Variants in STAU2 observed in about 807,000 individuals in gnomAD.
STAU2 encodes staufen double-stranded RNA binding protein 2, also known as double-stranded RNA-binding protein Staufen homolog 2.
In STAU2, 20 loss-of-function variants were observed where a neutral mutation model predicts 65.9. That is an observed-to-expected ratio of 0.30 (90% confidence interval 0.21 to 0.44). The LOEUF is 0.44. Ranked by LOEUF, STAU2 falls within the 20% of genes least tolerant of loss-of-function variation. The pLI is 1.00. For missense variants in STAU2, 558 were observed against 683.9 expected, an observed-to-expected ratio of 0.82 and a Z score of 2.05; for synonymous variants, 232 against 233.9, an observed-to-expected ratio of 0.99 and a Z score of 0.07.
At chr8:73,464,303 T>C (rs1394178094) in intron 13 of STAU2, among the ~76,000 whole-genome samples, 1 of 152,158 alleles carries the variant, frequency 6.6e-6, no homozygotes, top group Non-Finnish European at 1.5e-5. Flanking sequence ...CCCTCAGAAT[T>C]GTCTCTGAAT....
At chr8:73,657,290 G>A (rs1453183340) in intron 6 of STAU2, among the ~76,000 whole-genome samples, 3 of 152,082 alleles carry the variant, frequency 2.0e-5, no homozygotes, top group Admixed American at 6.5e-5. Flanking sequence ...GCCACAAGGT[G>A]GAGATATTAC....
At position 73,679,845 on chromosome 8, in the gene STAU2, C is replaced by T. The variant is rs533405015; in HGVS notation, c.275-6603G>A. Among the ~76,000 whole-genome samples, 183 of 150,960 alleles carry T rather than the reference C, an allele frequency of 1.2e-3. 1 individual carries two copies. Among genetic ancestry groups the T allele is most frequent in the Admixed American group, 4.2e-3 (63 of 15,152 alleles). On this transcript the variant is annotated intron_variant, in intron 5 of 14. Transcript: ENST00000524300. ...GGAGGCTGCAGTAAGCCAAGATCAACGCCACTGCACTCCAACCTGGGTGAC... is the reference window on the plus strand; with the variant it reads ...GGAGGCTGCAGTAAGCCAAGATCAATGCCACTGCACTCCAACCTGGGTGAC...
At chr8:73,454,816 CA>C (rs1172119505) in intron 13 of STAU2, among the ~76,000 whole-genome samples, 3 of 152,216 alleles carry the variant, frequency 2.0e-5, no homozygotes, top group Non-Finnish European at 2.9e-5. Context: ...ACACACAGAT[CA>C]TGGATTTAAA....
intron 13 of STAU2, among the ~76,000 whole-genome samples, chr8:73,483,763 T>A (rs996938539): frequency 6.6e-6 from 1 of 152,080 alleles, no homozygotes; most frequent in Non-Finnish European, 1.5e-5. Context: ...GGAATTCCAT[T>A]AAGGCTCCAG....
At chr8:73,654,364 T>G (rs1316519524) in intron 6 of STAU2, among the ~76,000 whole-genome samples, 1 of 151,922 alleles carries the variant, frequency 6.6e-6, no homozygotes, top group African/African-American at 2.4e-5. Flanking sequence ...CAAGACCCTT[T>G]TAACTGTCCA....
intron 3 of STAU2, among the ~76,000 whole-genome samples, chr8:73,709,983 T>G (rs1586322610): frequency 6.6e-6 from 1 of 152,084 alleles, no homozygotes; most frequent in African/African-American, 2.4e-5. Context: ...TAATTTTAAC[T>G]ACCATAGAAT....
At chr8:73,638,582 C>T (rs1037818172) in intron 6 of STAU2, among the ~76,000 whole-genome samples, 4 of 150,318 alleles carry the variant, frequency 2.7e-5, no homozygotes, top group African/African-American at 9.8e-5. Flanking sequence ...TAATAAAATT[C>T]CACCCACTAA....
intron 3 of STAU2, among the ~76,000 whole-genome samples, chr8:73,719,929 C>T (rs1286896550): frequency 6.6e-6 from 1 of 151,988 alleles, no homozygotes; most frequent in Non-Finnish European, 1.5e-5. Flanking sequence ...CTATCCGGAC[C>T]TAGAGTTTTC....
At chr8:73,709,490 C>G (rs148612114) in intron 3 of STAU2, among the ~76,000 whole-genome samples, 1 of 151,936 alleles carries the variant, frequency 6.6e-6, no homozygotes, top group Non-Finnish European at 1.5e-5. Context: ...GAAACACATA[C>G]GTTTCCTGGT....
At chr8:73,469,698 G>A (rs975686280) in intron 13 of STAU2, among the ~76,000 whole-genome samples, 3 of 152,040 alleles carry the variant, frequency 2.0e-5, no homozygotes, top group Non-Finnish European at 4.4e-5. Context: ...AAAAACAAGG[G>A]TGAAAAGCAG....
At chr8:73,651,358 G>C in intron 6 of STAU2, 3 of 680,446 alleles carry the variant, frequency 4.4e-6, no homozygotes, top group Non-Finnish European at 8.2e-6. Context: ...ACCAGTACCT[G>C]GGCCCTCTGG....
intron 13 of STAU2, among the ~76,000 whole-genome samples, chr8:73,424,045 C>G (rs1349091783): frequency 6.6e-6 from 1 of 151,954 alleles, no homozygotes; most frequent in Admixed American, 6.6e-5. Context: ...TGTGCCCCAC[C>G]TATTCACCTC....
intron 13 of STAU2, among the ~76,000 whole-genome samples, chr8:73,482,352 ACTG>A (rs1820677544): frequency 6.6e-6 from 1 of 151,614 alleles, no homozygotes; most frequent in South Asian, 2.1e-4. Flanking sequence ...TTAAAAAAAA[ACTG>A]TCTTTTTTTT....
At chr8:73,715,503 A>G (rs1821194063) in intron 3 of STAU2, among the ~76,000 whole-genome samples, 1 of 151,886 alleles carries the variant, frequency 6.6e-6, no homozygotes, top group Admixed American at 6.6e-5. Flanking sequence ...CCAGTGATAT[A>G]TAATTTTCCC....
intron 6 of STAU2, among the ~76,000 whole-genome samples, chr8:73,661,091 A>G (rs2130320959): frequency 6.6e-6 from 1 of 152,352 alleles, no homozygotes; most frequent in African/African-American, 2.4e-5. Context: ...AGGAAGCGTT[A>G]TTTATTCTCC....
In STAU2 at chr8:73,561,123, T is replaced by C. The variant is rs142069550; in HGVS notation, c.1223-8804A>G. Among the ~76,000 whole-genome samples, 19 of 152,278 alleles carry C rather than the reference T, an allele frequency of 1.2e-4. No individual in the cohort carries two copies. The East Asian group carries it at 3.5e-3, about 28-fold the overall frequency. ...AACAGTCTGGCACAGGGGTTATTAA[T>C]AGTGATCCAAGGGCCCCTAAATAGT... is the stretch of plus-strand genomic sequence containing the variant. On this transcript the variant is annotated intron_variant, in intron 12 of 14. Coordinates refer to ENST00000524300, the MANE Select transcript of STAU2 (RefSeq NM_001164380.2).
At chr8:73,708,395 T>C (rs969949701) in intron 4 of STAU2, among the ~76,000 whole-genome samples, 1 of 152,152 alleles carries the variant, frequency 6.6e-6, no homozygotes, top group East Asian at 1.9e-4. Context: ...AGCAACTGAA[T>C]AGAGCTCAAA....
chr8:73,652,814 A>G (rs1012503090), intron 6 of STAU2: 1 of 152,176 alleles, frequency 6.6e-6, no homozygotes, highest in African/African-American at 2.4e-5. Flanking sequence ...ACACATACAC[A>G]TACATATATA....
At chr8:73,525,826 T>C (rs4237007) in intron 13 of STAU2, among the ~76,000 whole-genome samples, 21,527 of 152,250 alleles carry the variant, frequency 0.14, 2,118 homozygotes, top group East Asian at 0.46. Flanking sequence ...TTAGCTACAC[T>C]GTACTTGCCC....
Sources: allele counts gnomAD v4.1 joint callset (sites outside exome capture counted in the v4.1 genomes callset), GRCh38; gene constraint gnomAD v4.1.1; transcripts MANE v1.5; gene names NCBI Gene and HGNC (gene_info 2026-07-23, HGNC 2026-07-21).